The following TNNI3K variants were observed in gnomAD, a reference collection of about 807,000 sequenced individuals.
TNNI3K encodes serine/threonine-protein kinase TNNI3K.
Under a neutral mutation model 114.5 loss-of-function variants are expected in TNNI3K, and 140 were observed. That is an observed-to-expected ratio of 1.22 (90% confidence interval 1.07 to 1.41). TNNI3K has a LOEUF of 1.41. Ranked by LOEUF, TNNI3K falls within the 40% of genes most tolerant of loss-of-function variation. The pLI is 0.00. For missense variants in TNNI3K, 1,125 were observed against 1,007.6 expected, an observed-to-expected ratio of 1.12 and a Z score of -1.58; for synonymous variants, 347 against 347.5, an observed-to-expected ratio of 1.00 and a Z score of 0.02.
chr1:74,433,377 C>G (rs672061), intron 17 of TNNI3K, among the ~76,000 whole-genome samples: 118 of 152,164 alleles, frequency 7.8e-4, no homozygotes, highest in Non-Finnish European at 1.4e-3. Context: ...TGCCTGCCCC[C>G]CTTCATGAAC....
At chr1:74,331,422 T>C (rs1315498249) in intron 5 of TNNI3K, 28 bp from the exon 6 acceptor site, 1 of 1,606,548 alleles carries the variant, frequency 6.2e-7, no homozygotes, top group African/African-American at 1.3e-5. Flanking sequence ...CAACTGAAGT[T>C]CTTAACCATA....
At chr1:74,322,394 T>C (rs1178201643) in intron 5 of TNNI3K, among the ~76,000 whole-genome samples, 1 of 152,150 alleles carries the variant, frequency 6.6e-6, no homozygotes, top group Non-Finnish European at 1.5e-5. Context: ...TAGTCATTTG[T>C]TGACCATTTC....
intron 23 of TNNI3K, among the ~76,000 whole-genome samples, chr1:74,517,886 T>C (rs1043931584): frequency 7.2e-5 from 11 of 152,256 alleles, no homozygotes; most frequent in East Asian, 1.9e-4. Flanking sequence ...AGTGAAACAT[T>C]TGAATTTCTA....
intron 21 of TNNI3K, among the ~76,000 whole-genome samples, chr1:74,474,880 C>A (rs559560816): frequency 1.3e-5 from 2 of 152,120 alleles, no homozygotes; most frequent in Non-Finnish European, 2.9e-5. Flanking sequence ...ATTCTTCTAA[C>A]ATGTCATGCT....
intron 21 of TNNI3K, among the ~76,000 whole-genome samples, chr1:74,468,026 G>A (rs1423814912): frequency 6.6e-6 from 1 of 152,106 alleles, no homozygotes; most frequent in Non-Finnish European, 1.5e-5. Flanking sequence ...GGAGATTCAA[G>A]GGCAAGGGTA....
At chr1:74,306,824 G>A (rs1658670689) in intron 5 of TNNI3K, among the ~76,000 whole-genome samples, 1 of 152,058 alleles carries the variant, frequency 6.6e-6, no homozygotes, top group African/African-American at 2.4e-5. Context: ...TGTTTACTCT[G>A]TTGATAGTTT....
At chr1:74,514,265 T>C (rs1026002776) in intron 23 of TNNI3K, among the ~76,000 whole-genome samples, 1 of 152,234 alleles carries the variant, frequency 6.6e-6, no homozygotes, top group African/African-American at 2.4e-5. Flanking sequence ...GCAATTGTTT[T>C]AAAGCGTTTT....
intron 20 of TNNI3K, among the ~76,000 whole-genome samples, chr1:74,450,429 T>A (rs1001278226): frequency 1.3e-5 from 2 of 152,100 alleles, no homozygotes; most frequent in African/African-American, 2.4e-5. Flanking sequence ...ACTAAAGAAC[T>A]TCTGCACAGC....
intron 20 of TNNI3K, 128 bp downstream of exon 20, chr1:74,439,750 A>G (rs1234865845): frequency 1.4e-6 from 2 of 1,420,534 alleles, no homozygotes; most frequent in East Asian, 2.4e-5. Flanking sequence ...TAAGCAAACA[A>G]TCTTAAATTG....
chr1:74,462,534 A>G (rs1007558756), intron 20 of TNNI3K, among the ~76,000 whole-genome samples: 6 of 152,220 alleles, frequency 3.9e-5, no homozygotes, highest in Admixed American at 2.0e-4. Flanking sequence ...AACATTAGTT[A>G]TATGTAAAAT....
At chr1:74,540,127 A>C (rs573751590) in intron 23 of TNNI3K, 107 bp from the exon 24 acceptor site, 2 of 1,182,820 alleles carry the variant, frequency 1.7e-6, no homozygotes, top group Non-Finnish European at 2.4e-6. Flanking sequence ...GCTTTGTATC[A>C]CTTTGCCATT....
At chr1:74,248,100 G>A (rs1016654225) in intron 2 of TNNI3K, among the ~76,000 whole-genome samples, 1 of 152,120 alleles carries the variant, frequency 6.6e-6, no homozygotes, top group Admixed American at 6.5e-5. Context: ...CAGCGCAGGT[G>A]GGCTGGCAGT....
intron 7 of TNNI3K, among the ~76,000 whole-genome samples, chr1:74,337,264 G>A (rs550248323): frequency 6.6e-6 from 1 of 151,930 alleles, no homozygotes; most frequent in Admixed American, 6.6e-5. Flanking sequence ...TTTGTCAGAT[G>A]AGTAGGTTGC....
Position 74,353,973 on chromosome 1 carries a change from A to G in TNNI3K, c.1028-7A>G, listed in dbSNP as rs766405535. 8.8e-6 allele frequency: 14 copies of G among 1,598,452 alleles called. No individual in the cohort carries two copies. The highest frequency in any genetic ancestry group is 2.3e-5 in the South Asian group (2 of 87,582). The stretch of plus-strand genomic sequence containing the variant: ...CCTTTTGTTCTTTCAATTCTTTTCT[A>G]TTACAGGATTACACTCTGCTTGCTA... On this transcript the variant is annotated splice_polypyrimidine_tract_variant and splice_region_variant and intron_variant, in intron 10 of 24. Transcript: ENST00000326637.
intron 17 of TNNI3K, chr1:74,418,321 A>C: frequency 4.7e-6 from 1 of 213,242 alleles, no homozygotes; most frequent in Non-Finnish European, 9.8e-6. Context: ...TGCCTCTAGG[A>C]CTCTGAAATA....
At chr1:74,459,876 CTGGGTTTAACTCT>C (rs1667375216) in intron 20 of TNNI3K, among the ~76,000 whole-genome samples, 4 of 152,140 alleles carry the variant, frequency 2.6e-5, no homozygotes, top group Admixed American at 2.6e-4. Flanking sequence ...ACTCACAATA[CTGGGTTTAACTCT>C]TGTTTTTCAG....
At chr1:74,307,987 A>T (rs921628486) in intron 5 of TNNI3K, among the ~76,000 whole-genome samples, 11 of 151,886 alleles carry the variant, frequency 7.2e-5, no homozygotes, top group African/African-American at 2.4e-4. Flanking sequence ...TAGTAATAAT[A>T]GTGGAGGACT....
chr1:74,277,371 T>G (rs1656747884), intron 5 of TNNI3K, among the ~76,000 whole-genome samples: 1 of 152,084 alleles, frequency 6.6e-6, no homozygotes, highest in African/African-American at 2.4e-5. Context: ...ACTCTTCTGT[T>G]TATTGCTATA....
At chr1:74,289,485 T>TTAATTACA (rs1657544702) in intron 5 of TNNI3K, among the ~76,000 whole-genome samples, 4 of 2,496 alleles carry the variant, frequency 1.6e-3, no homozygotes, top group Non-Finnish European at 3.5e-3. Context: ...CCATAGGTAG[T>TTAATTACA]GTCATTAGTC....
Sources: allele counts gnomAD v4.1 joint callset (sites outside exome capture counted in the v4.1 genomes callset), GRCh38; gene constraint gnomAD v4.1.1; transcripts MANE v1.5; gene names NCBI Gene and HGNC (gene_info 2026-07-23, HGNC 2026-07-21).